The following ANKIB1 variants were observed in gnomAD, a reference collection of about 807,000 sequenced individuals.
ANKIB1 encodes ankyrin repeat and IBR domain-containing protein 1.
ANKIB1 carries 43 observed loss-of-function variants against 122.1 expected under a neutral mutation model. The ratio of observed to expected loss-of-function variants is 0.35; its 90% CI spans 0.28 to 0.45. The LOEUF (loss-of-function observed/expected upper bound fraction) is 0.45. Among genes scored for constraint, ANKIB1 ranks in the 20% least tolerant of loss-of-function variants. ANKIB1 has a pLI of 1.00. For synonymous variants in ANKIB1, 390 were observed against 442.0 expected, an observed-to-expected ratio of 0.88 and a Z score of 1.48; for missense variants, 992 against 1,329.5, an observed-to-expected ratio of 0.75 and a Z score of 3.95.
chr7:92,253,749 T>C (rs1196883390), intron 1 of ANKIB1, among the ~76,000 whole-genome samples: 1 of 152,148 alleles, frequency 6.6e-6, no homozygotes, highest in East Asian at 1.9e-4. Context: ...CATGTGAGTA[T>C]GTGTGTACAT....
intron 11 of ANKIB1, among the ~76,000 whole-genome samples, chr7:92,380,222 C>A (rs540370199): frequency 6.6e-6 from 1 of 152,174 alleles, no homozygotes; most frequent in African/African-American, 2.4e-5. Context: ...GTAAACAAAA[C>A]GGCTGGGAAG....
chr7:92,327,180 C>A (rs1351480332), intron 4 of ANKIB1, among the ~76,000 whole-genome samples: 1 of 152,128 alleles, frequency 6.6e-6, no homozygotes, highest in Non-Finnish European at 1.5e-5. Context: ...ATAAGATGGT[C>A]TTGCCATTAT....
At position 92,246,449 on chromosome 7, in the gene ANKIB1, CA is replaced by C. The variant is rs750602313; in HGVS notation, c.-160del. ...GAGGTCACCAGCTCGGCTGTAGAGG[CA>C]GGGGCGGCGGAGGCGGAACTGCGGA... On this transcript the variant is annotated 5_prime_UTR_variant, in exon 1 of 20. Transcript: ENST00000265742. 3 of 517,582 alleles carry C rather than the reference CA, an allele frequency of 5.8e-6. No individual in the cohort carries two copies. The highest frequency in any genetic ancestry group is 1.4e-5 in the South Asian group (1 of 71,386). 32.1% of individuals were successfully genotyped at this position (517,582 alleles called of 1,614,324 possible). A position where few individuals can be genotyped will look rare whatever the true frequency, so the allele number is the denominator to read the frequency against.
intron 1 of ANKIB1, among the ~76,000 whole-genome samples, chr7:92,288,917 C>G (rs1047304941): frequency 1.3e-5 from 2 of 152,108 alleles, no homozygotes; most frequent in African/African-American, 4.8e-5. Flanking sequence ...TCTGAATGCT[C>G]TGAATCCTGG....
rs765156693 is a variant in ANKIB1 at position 92,398,627 on chromosome 7, A to C, written c.2948A>C (p.Gln983Pro). Residue 983 changes from glutamine (Q) to proline (P), a missense_variant, in exon 20 of 20, where the codon CAG becomes CCG. Around this residue, in one of 4 missense-constraint regions of ANKIB1, gnomAD observed 384 missense variants for 412.0 expected, o/e 0.93. Transcript: ENST00000265742. ...GCTTGGTTTCATGACATGAACCCTC[A>C]GAGTATTGCCCTGATTCCTCCAGCA... ...IMAWFHDMNP[Q>P]SIALIPPATT... 2 of 1,613,966 alleles carry C rather than the reference A, an allele frequency of 1.2e-6. No individual in the cohort carries two copies. Among genetic ancestry groups the C allele is most frequent in the East Asian group, 2.2e-5 (1 of 44,880 alleles).
At position 92,398,532 on chromosome 7, in the gene ANKIB1, C is replaced by T. The variant is rs1804949627; in HGVS notation, c.2853C>T (p.Pro951=). 6.2e-7 allele frequency: 1 copy of T among 1,613,956 alleles called. No homozygotes were observed. Among genetic ancestry groups the T allele is most frequent in the South Asian group, 1.1e-5 (1 of 91,072 alleles). Residue 951 remains proline, a synonymous_variant, in exon 20 of 20, where the codon CCC becomes CCT. Coordinates refer to ENST00000265742, the MANE Select transcript of ANKIB1 (RefSeq NM_019004.2). ...GTGAGGCAAGAAGTGATTTCTGTCC[C>T]TCATCTAGTGATCCTGACTCAGCTG... ...PLSEARSDFC[P]SSSDPDSAGQ...
At chr7:92,295,569 A>T (rs1163130454) in intron 2 of ANKIB1, among the ~76,000 whole-genome samples, 1 of 152,200 alleles carries the variant, frequency 6.6e-6, no homozygotes, top group East Asian at 1.9e-4. Flanking sequence ...TGTCAAAAAA[A>T]TGCAGGGAAT....
chr7:92,260,352 G>A (rs1339886419), intron 1 of ANKIB1, among the ~76,000 whole-genome samples: 2 of 152,130 alleles, frequency 1.3e-5, no homozygotes, highest in Non-Finnish European at 2.9e-5. Flanking sequence ...GATACCACAT[G>A]ACTCACTACA....
intron 7 of ANKIB1, among the ~76,000 whole-genome samples, chr7:92,346,263 T>C (rs2131979161): frequency 6.6e-6 from 1 of 152,210 alleles, no homozygotes; most frequent in African/African-American, 2.4e-5. Flanking sequence ...CCCAGTAAGC[T>C]GGGACTATAG....
intron 2 of ANKIB1, among the ~76,000 whole-genome samples, chr7:92,306,196 A>G (rs1025879493): frequency 6.6e-6 from 1 of 152,040 alleles, no homozygotes; most frequent in Non-Finnish European, 1.5e-5. Flanking sequence ...AAAACAACAC[A>G]AATCTTACAG....
rs138270457 is a variant in ANKIB1, at chr7:92,383,798, A to G, written c.1618-2711A>G. The stretch of plus-strand genomic sequence containing the variant: ...CAGCCAGTATGATACTGAACGGGCA[A>G]AAACTGGAAGCATTCCCTTTGAAAA... On this transcript the variant is annotated intron_variant, in intron 11 of 19. Transcript: ENST00000265742. 5.2e-3 allele frequency among the ~76,000 whole-genome samples: 785 copies of G among 152,336 alleles called. 7 individuals are homozygous for G. The highest frequency in any genetic ancestry group is 0.018 in the African/African-American group (745 of 41,574).
chr7:92,387,114 A>G (rs1171749760), intron 12 of ANKIB1, among the ~76,000 whole-genome samples: 2 of 152,020 alleles, frequency 1.3e-5, no homozygotes, highest in Admixed American at 1.3e-4. Context: ...CCCTCTCACT[A>G]TGTCCTTAGG....
chr7:92,277,988 G>A (rs1379953221), intron 1 of ANKIB1, among the ~76,000 whole-genome samples: 1 of 152,004 alleles, frequency 6.6e-6, no homozygotes, highest in Non-Finnish European at 1.5e-5. Context: ...GGAAGCTGAG[G>A]CAGGAGAATC....
chr7:92,286,479 ATTTTT>A (rs34483972), intron 1 of ANKIB1, among the ~76,000 whole-genome samples: 1 of 134,306 alleles, frequency 7.4e-6, no homozygotes. Flanking sequence ...TATTATCCGT[ATTTTT>A]TTTTTTTTTT....
At chr7:92,280,168 A>T (rs1324491866) in intron 1 of ANKIB1, among the ~76,000 whole-genome samples, 1 of 152,208 alleles carries the variant, frequency 6.6e-6, no homozygotes, top group African/African-American at 2.4e-5. Flanking sequence ...CCTGATTGGG[A>T]TGATCCCTCT....
chr7:92,346,798 A>G (rs1365571210), intron 7 of ANKIB1, among the ~76,000 whole-genome samples: 1 of 152,198 alleles, frequency 6.6e-6, no homozygotes, highest in East Asian at 1.9e-4. Context: ...TTTGAGCTTC[A>G]TTGACCTTCC....
intron 4 of ANKIB1, among the ~76,000 whole-genome samples, chr7:92,323,800 T>C (rs1055770702): frequency 5.9e-5 from 9 of 152,194 alleles, no homozygotes; most frequent in African/African-American, 1.9e-4. Flanking sequence ...CTATATATAA[T>C]ATGGATCAAC....
In ANKIB1 at chr7:92,398,571, C is replaced by T. The variant is rs943195423; in HGVS notation, c.2892C>T (p.Asn964=). The T allele has an allele frequency of 6.2e-7, 1 of 1,613,938 alleles. No homozygotes were observed. The highest frequency in any genetic ancestry group is 1.6e-4 in the Middle Eastern group (1 of 6,062). Residue 964 remains asparagine (N), a synonymous_variant, in exon 20 of 20, where the codon AAC becomes AAT. Coordinates refer to ENST00000265742, the MANE Select transcript of ANKIB1 (RefSeq NM_019004.2). ...SDPDSAGQDP[N]INDNLLGNIM... ...CTGACTCAGCTGGCCAGGACCCCAA[C>T]ATCAATGACAATCTTCTCGGCAACA...
intron 10 of ANKIB1, among the ~76,000 whole-genome samples, chr7:92,369,120 T>C (rs989785776): frequency 2.0e-5 from 3 of 152,214 alleles, no homozygotes; most frequent in African/African-American, 7.2e-5. Context: ...TTAGGTATTA[T>C]AGCAATACCC....
Sources: allele counts gnomAD v4.1 joint callset (sites outside exome capture counted in the v4.1 genomes callset), GRCh38; gene constraint gnomAD v4.1.1; regional missense constraint gnomAD v4.1.1; transcripts MANE v1.5; gene names NCBI Gene and HGNC (gene_info 2026-07-23, HGNC 2026-07-21).